The following RYR2 variants were observed in gnomAD, a reference collection of about 807,000 sequenced individuals.
The protein encoded by RYR2 is ryanodine receptor 2.
In RYR2, 227 loss-of-function variants were observed where a neutral mutation model predicts 601.1. That is an observed-to-expected ratio of 0.38 (90% CI 0.34 to 0.42). The LOEUF is 0.42. Ranked by LOEUF, RYR2 falls within the 10% of genes least tolerant of loss-of-function variation. The probability of loss-of-function intolerance (pLI) is 1.00; values close to 1 mark genes in which losing one functional copy is unlikely to be tolerated. For missense variants in RYR2, 4,646 were observed against 6,156.5 expected (o/e 0.75, Z 8.21); for synonymous variants, 2,223 against 2,175.1 (o/e 1.02, Z -0.61).
chr1:237,540,178 A>G (rs1405870318), intron 25 of RYR2, among the ~76,000 whole-genome samples: 1 of 152,096 alleles, frequency 6.6e-6, no homozygotes, highest in Non-Finnish European at 1.5e-5. Context: ...GAGTTAAATT[A>G]TTATAGCAAT....
Position 237,450,340 on chromosome 1 carries a change from A to C in RYR2, c.1293-4051A>C, listed in dbSNP as rs1039890048. 9.9e-5 allele frequency among the ~76,000 whole-genome samples: 15 copies of C among 152,150 alleles called. No homozygotes were observed. In the Middle Eastern group the frequency reaches 0.014, roughly 138 times the overall value. ...ATGCTCAGCAATATCTCTTCAACTC[A>C]TGGAGACTGTCAGGCCACACCTGGG... On this transcript the variant is annotated intron_variant, in intron 14 of 104. Transcript: ENST00000366574.
At chr1:237,728,439 A>G (rs562726696) in intron 76 of RYR2, among the ~76,000 whole-genome samples, 1 of 152,246 alleles carries the variant, frequency 6.6e-6, no homozygotes, top group South Asian at 2.1e-4. Flanking sequence ...CTGGGTATAT[A>G]CCCAAAGGAT....
intron 37 of RYR2, 88 bp from the exon 38 acceptor site, chr1:237,617,198 C>T: frequency 8.2e-7 from 1 of 1,223,068 alleles, no homozygotes; most frequent in Non-Finnish European, 1.1e-6. Context: ...GAGTAGGCAA[C>T]TAAGGATGTT....
intron 27 of RYR2, 97 bp downstream of exon 27, chr1:237,550,788 T>TACTCCC: frequency 2.3e-6 from 3 of 1,291,688 alleles, no homozygotes; most frequent in African/African-American, 1.5e-5. Context: ...CTGGATAGAG[T>TACTCCC]CCTCTAGTCT....
intron 101 of RYR2, among the ~76,000 whole-genome samples, chr1:237,822,198 A>G (rs1159684584): frequency 6.6e-6 from 1 of 152,188 alleles, no homozygotes; most frequent in Admixed American, 6.5e-5. Flanking sequence ...CTCCTAGAGA[A>G]GAGCAACCCC....
intron 27 of RYR2, among the ~76,000 whole-genome samples, chr1:237,563,684 G>T (rs866901627): frequency 6.6e-6 from 1 of 151,978 alleles, no homozygotes; most frequent in Non-Finnish European, 1.5e-5. Flanking sequence ...GTAATAAAGG[G>T]GATTAGTGGT....
intron 47 of RYR2, 149 bp from the exon 48 acceptor site, chr1:237,643,178 G>C (rs1468653519): frequency 7.5e-6 from 7 of 936,182 alleles, no homozygotes; most frequent in Non-Finnish European, 1.1e-5. Context: ...AGGTAAGCCA[G>C]AAAACTATTT....
chr1:237,797,303 T>C (rs1468994194), intron 96 of RYR2, among the ~76,000 whole-genome samples: 3 of 135,666 alleles, frequency 2.2e-5, no homozygotes, highest in Non-Finnish European at 4.7e-5. Flanking sequence ...ATTCTAATGA[T>C]TGATAGACAT....
intron 1 of RYR2, among the ~76,000 whole-genome samples, chr1:237,108,212 C>G (rs575315366): frequency 6.6e-6 from 1 of 152,278 alleles, no homozygotes; most frequent in Admixed American, 6.5e-5. Flanking sequence ...CTTAGCGACC[C>G]AGAACCTCCA....
Position 237,374,788 on chromosome 1 carries a change from C to T in RYR2, c.456C>T (p.Asp152=), listed in dbSNP as rs763532422. 1 of 1,611,634 alleles carries T rather than the reference C, an allele frequency of 6.2e-7. No homozygotes were observed. Among genetic ancestry groups the T allele is most frequent in the South Asian group, 1.1e-5 (1 of 90,508 alleles). The part of the protein sequence containing the change: ...KLAFDVGLQE[D]TTGEACWWTI... ...CTTTTGATGTTGGCTTGCAAGAGGA[C>T]ACCACAGGTAAGCATCTTGTGCTGC... is the stretch of plus-strand genomic sequence containing the variant. Residue 152 remains aspartate (D), a synonymous_variant, in exon 7 of 105, where the codon GAC becomes GAT. Coordinates refer to ENST00000366574, the MANE Select transcript of RYR2 (RefSeq NM_001035.3).
intron 61 of RYR2, among the ~76,000 whole-genome samples, chr1:237,678,607 A>T (rs1227013736): frequency 2.0e-5 from 3 of 152,164 alleles, no homozygotes; most frequent in Non-Finnish European, 4.4e-5. Context: ...CATTGGTATT[A>T]TTTATTTTGT....
At chr1:237,825,719 G>A (rs1231786421) in intron 101 of RYR2, among the ~76,000 whole-genome samples, 1 of 152,208 alleles carries the variant, frequency 6.6e-6, no homozygotes, top group Non-Finnish European at 1.5e-5. Context: ...TATCATCAGA[G>A]TGAACAGGCA....
intron 67 of RYR2, 40 bp downstream of exon 67, chr1:237,705,383 T>C: frequency 6.5e-7 from 1 of 1,532,696 alleles, no homozygotes; most frequent in Non-Finnish European, 8.9e-7. Flanking sequence ...GATATGAAGC[T>C]AAAACTTGAT....
In RYR2 at chr1:237,556,223, A is replaced by T. The variant is rs567671186; in HGVS notation, c.3214+5532A>T. Among the ~76,000 whole-genome samples the T allele has an allele frequency of 1.8e-4, 27 of 151,586 alleles. No homozygotes were observed. In the East Asian group the frequency reaches 5.0e-3, roughly 28 times the overall value. On this transcript the variant is annotated intron_variant, in intron 27 of 104. Coordinates refer to ENST00000366574, the MANE Select transcript of RYR2 (RefSeq NM_001035.3). Reference sequence around the variant, plus strand: ...GAAAAGGAGCTTATATTTATAAAACATATGCTCCACTTCATTTTACTTCCA... The same window carrying T: ...GAAAAGGAGCTTATATTTATAAAACTTATGCTCCACTTCATTTTACTTCCA...
At chr1:237,731,549 A>G (rs997314460) in intron 77 of RYR2, among the ~76,000 whole-genome samples, 1 of 152,136 alleles carries the variant, frequency 6.6e-6, no homozygotes, top group Non-Finnish European at 1.5e-5. Flanking sequence ...TCAGGATTTT[A>G]TTGCAAATAT....
chr1:237,366,723 A>C (rs976224052), intron 5 of RYR2, among the ~76,000 whole-genome samples: 2 of 151,954 alleles, frequency 1.3e-5, no homozygotes, highest in Non-Finnish European at 2.9e-5. Context: ...ATATATATAT[A>C]TATGAAATGT....
At chr1:237,411,367 A>G (rs1377439739) in intron 10 of RYR2, among the ~76,000 whole-genome samples, 2 of 152,176 alleles carry the variant, frequency 1.3e-5, no homozygotes, top group South Asian at 2.1e-4. Context: ...TGATGAAGCT[A>G]TTAATAGGTA....
At chr1:237,770,733 A>T (rs1183092550) in intron 84 of RYR2, 74 bp from the exon 85 acceptor site, 2 of 890,404 alleles carry the variant, frequency 2.2e-6, no homozygotes, top group South Asian at 1.4e-5. Flanking sequence ...TGCAAGTTGT[A>T]TGGAGGTGGG....
chr1:237,711,425 C>T (rs1189029366), intron 70 of RYR2, among the ~76,000 whole-genome samples: 1 of 152,148 alleles, frequency 6.6e-6, no homozygotes, highest in African/African-American at 2.4e-5. Context: ...TCTCAGGAAT[C>T]AGTATATGCC....
Sources: allele counts gnomAD v4.1 joint callset (sites outside exome capture counted in the v4.1 genomes callset), GRCh38; gene constraint gnomAD v4.1.1; transcripts MANE v1.5; gene names NCBI Gene and HGNC (gene_info 2026-07-23, HGNC 2026-07-21).